HIPK4: variants seen among roughly 807,000 people sequenced by gnomAD.
HIPK4 encodes homeodomain-interacting protein kinase 4.
In HIPK4, 26 loss-of-function variants were observed where a neutral mutation model predicts 44.8. That is an observed-to-expected ratio of 0.58 (90% CI 0.43 to 0.80). The LOEUF (loss-of-function observed/expected upper bound fraction) is 0.80, where lower values mean the gene tolerates loss of function less well. Among genes scored for constraint, HIPK4 ranks in the 30% least tolerant of loss-of-function variants. The probability of loss-of-function intolerance (pLI) is 0.00; values close to 1 mark genes in which losing one functional copy is unlikely to be tolerated. For missense variants in HIPK4, 729 were observed against 862.6 expected, an observed-to-expected ratio of 0.85 and a Z score of 1.94; for synonymous variants, 340 against 355.5, an observed-to-expected ratio of 0.96 and a Z score of 0.49.
intron 2 of HIPK4, among the ~76,000 whole-genome samples, chr19:40,382,616 A>G (rs1234848759): frequency 1.3e-5 from 2 of 151,974 alleles, no homozygotes; most frequent in South Asian, 2.1e-4. Context: ...CCCCAGATCT[A>G]TCTTGCTGCA....
chr19:40,385,198 A>G (rs990494961), intron 1 of HIPK4, among the ~76,000 whole-genome samples: 12 of 151,928 alleles, frequency 7.9e-5, no homozygotes, highest in Non-Finnish European at 1.3e-4. Context: ...TCTGCCCCCT[A>G]GTCTGTCTGT....
At chr19:40,387,883 G>A (rs1417565398) in intron 1 of HIPK4, among the ~76,000 whole-genome samples, 3 of 152,026 alleles carry the variant, frequency 2.0e-5, no homozygotes, top group African/African-American at 7.3e-5. Context: ...GCCCAGGCTG[G>A]AGTGCAGTGG....
In HIPK4 at chr19:40,383,891, C is replaced by T; in HGVS notation, c.714G>A (p.Leu238=). The T allele has an allele frequency of 6.2e-7, 1 of 1,614,194 alleles. No homozygotes were observed. Residue 238 remains leucine, a synonymous_variant, in exon 2 of 4, where the codon CTG becomes CTA. Coordinates refer to ENST00000291823, the MANE Select transcript of HIPK4 (RefSeq NM_144685.5). ...GGTGGGCCTTGCAGGCGGCGTGCAA[C>T]AGGTGTGGCTTGGGCAGGCCCTGGG... ...CETQGLPKPH[L]LHAACKAHHF...
At position 40,380,537 on chromosome 19, in the gene HIPK4, C is replaced by T. The variant is rs1220980290; in HGVS notation, c.1454G>A (p.Arg485His). Residue 485 changes from arginine to histidine, a missense_variant, in exon 3 of 4, where the codon CGC becomes CAC. Arg to His is a conservative substitution (Grantham distance 29). Transcript: ENST00000291823. This position sits in a 1 kb window ranked among gnomAD's most constrained non-coding sequence, Gnocchi z 4.2. Reference protein sequence around the residue: ...LAFYSSRLAGRHKARKPPAGS... With the variant: ...LAFYSSRLAGHHKARKPPAGS... The stretch of plus-strand genomic sequence containing the variant: ...CGCAGGTGGCTTGCGGGCCTTGTGG[C>T]GGCCTGCCAGGCGGCTGCTGTAGAA... 3.7e-6 allele frequency: 6 copies of T among 1,611,642 alleles called. No homozygotes were observed. The highest frequency in any genetic ancestry group is 4.2e-6 in the Non-Finnish European group (5 of 1,179,544).
chr19:40,386,663 T>C (rs1698886992), intron 1 of HIPK4, among the ~76,000 whole-genome samples: 1 of 152,094 alleles, frequency 6.6e-6, no homozygotes, highest in Non-Finnish European at 1.5e-5. Flanking sequence ...CTCTCAGCAT[T>C]TCTCTCCCCA....
chr19:40,386,575 C>T (rs1209107227), intron 1 of HIPK4, among the ~76,000 whole-genome samples: 1 of 152,044 alleles, frequency 6.6e-6, no homozygotes, highest in Non-Finnish European at 1.5e-5. Flanking sequence ...CCCAGGATGG[C>T]TCCTGGGCTC....
At chr19:40,387,399 C>A (rs1028587692) in intron 1 of HIPK4, among the ~76,000 whole-genome samples, 6 of 152,182 alleles carry the variant, frequency 3.9e-5, no homozygotes, top group African/African-American at 1.4e-4. Flanking sequence ...GGCCGAAAGC[C>A]TTTGTCTCTC....
Position 40,384,116 on chromosome 19 carries a change from G to C in HIPK4, c.489C>G (p.Ser163Arg), listed in dbSNP as rs2079351831. ...RVKVIDFGSA[S>R]IFSEVRYVKE... Reference sequence around the variant, plus strand: ...TCACGTAGCGCACCTCGCTGAAAATGCTGGCGGATCCGAAGTCAATCACCT... The same window carrying C: ...TCACGTAGCGCACCTCGCTGAAAATCCTGGCGGATCCGAAGTCAATCACCT... The change falls in exon 2 of 4, where the codon AGC becomes AGG. Residue 163 changes from serine (S) to arginine (R), a missense_variant. This residue lies in a region of HIPK4 where 196 missense variants were observed against 295.1 expected (regional missense o/e 0.66). Transcript: ENST00000291823. The C allele has an allele frequency of 5.0e-6, 8 of 1,588,456 alleles. No homozygotes were observed. The highest frequency in any genetic ancestry group is 6.0e-6 in the Non-Finnish European group (7 of 1,162,448).
chr19:40,381,264 C>T (rs764819340), intron 2 of HIPK4, 96 bp from the exon 3 acceptor site: 14 of 990,884 alleles, frequency 1.4e-5, no homozygotes, highest in Non-Finnish European at 1.9e-5. Flanking sequence ...CCCCGACTTC[C>T]AGGTCTGCCC....
In HIPK4 at chr19:40,379,475, T is replaced by A. The variant is rs2079317791; in HGVS notation, c.*112A>T. On this transcript the variant is annotated 3_prime_UTR_variant, in exon 4 of 4. Transcript: ENST00000291823. The stretch of plus-strand genomic sequence containing the variant: ...GAGAATTTCTGGATAACTATCTTTC[T>A]GTAAGAATAATTTGTGGGTTCAGGA... 3 of 940,728 alleles carry A rather than the reference T, an allele frequency of 3.2e-6. No individual in the cohort carries two copies. Among genetic ancestry groups the A allele is most frequent in the Non-Finnish European group, 3.0e-6 (2 of 660,048 alleles). 58.3% of individuals were successfully genotyped at this position (940,728 alleles called of 1,614,324 possible).
chr19:40,383,860 A>C lies in HIPK4; in HGVS notation c.745T>G (p.Phe249Val). ...LHAACKAHHF[F>V]KRNPHPDAAN... The stretch of plus-strand genomic sequence containing the variant: ...GCGTCAGGGTGGGGGTTGCGCTTGA[A>C]GAAGTGGTGGGCCTTGCAGGCGGCG... The change falls in exon 2 of 4, where the codon TTC becomes GTC. Residue 249 changes from phenylalanine (F) to valine (V), a missense_variant. Around this residue, in one of 2 missense-constraint regions of HIPK4, gnomAD observed 533 missense variants for 567.5 expected, o/e 0.94. Transcript: ENST00000291823. The C allele has an allele frequency of 6.2e-7, 1 of 1,614,176 alleles. No individual in the cohort carries two copies. The highest frequency in any genetic ancestry group is 8.5e-7 in the Non-Finnish European group (1 of 1,180,026).
In HIPK4 at chr19:40,389,755, G is replaced by A. The variant is rs190827341; in HGVS notation, c.148C>T (p.Arg50Cys). The change falls in exon 1 of 4, where the codon CGC becomes TGC. Residue 50 changes from arginine (R) to cysteine (C), a missense_variant. This residue lies in a region of HIPK4 where 196 missense variants were observed against 295.1 expected (regional missense o/e 0.66). Coordinates refer to ENST00000291823, the MANE Select transcript of HIPK4 (RefSeq NM_144685.5). The surrounding 1 kb of genome is among the most constrained non-coding windows in gnomAD (Gnocchi z 4.6). ...AGCTTCAGCTCGTTCTTGATGATGCGGTTGCGGTAGGCGTCATTCTTGAGG... is the reference window on the plus strand; with the variant it reads ...AGCTTCAGCTCGTTCTTGATGATGCAGTTGCGGTAGGCGTCATTCTTGAGG... ...KILKNDAYRN[R>C]IIKNELKLLH... The A allele has an allele frequency of 1.9e-5, 30 of 1,614,146 alleles. No individual in the cohort carries two copies. The African/African-American group carries it at 2.1e-4, about 11-fold the overall frequency.
At chr19:40,388,417 T>C (rs2079373025) in intron 1 of HIPK4, among the ~76,000 whole-genome samples, 1 of 152,156 alleles carries the variant, frequency 6.6e-6, no homozygotes, top group Non-Finnish European at 1.5e-5. Flanking sequence ...AGAGGCTGAG[T>C]GACCCTGGGC....
Position 40,383,828 on chromosome 19 carries a change from G to C in HIPK4, c.777C>G (p.Asn259Lys). The C allele has an allele frequency of 1.2e-6, 2 of 1,613,936 alleles. No individual in the cohort carries two copies. Among genetic ancestry groups the C allele is most frequent in the Non-Finnish European group, 1.7e-6 (2 of 1,179,836 alleles). Residue 259 changes from asparagine to lysine, a missense_variant, in exon 2 of 4, where the codon AAC becomes AAG. Physicochemically the swap from Asn to Lys is moderately conservative, Grantham distance 94 (BLOSUM62 0). Coordinates refer to ENST00000291823, the MANE Select transcript of HIPK4 (RefSeq NM_144685.5). ...CAGCCGAGGACTTGAGCTGCCAGGGGTTGGCAGCGTCAGGGTGGGGGTTGC... is the reference window on the plus strand; with the variant it reads ...CAGCCGAGGACTTGAGCTGCCAGGGCTTGGCAGCGTCAGGGTGGGGGTTGC... Reference protein sequence around the residue: ...FKRNPHPDAANPWQLKSSADY... With the variant: ...FKRNPHPDAAKPWQLKSSADY...
In HIPK4 at chr19:40,380,671, C is replaced by T; in HGVS notation, c.1320G>A (p.Gly440=). ...CATTGGTGCAGGTCTCACCCCACAGCCCATGCCCAGCCTCCTGCAGACTCA... is the reference window on the plus strand; with the variant it reads ...CATTGGTGCAGGTCTCACCCCACAGTCCATGCCCAGCCTCCTGCAGACTCA... ...DDLSLQEAGH[G]LWGETCTNAV... The change falls in exon 3 of 4, where the codon GGG becomes GGA. Residue 440 remains glycine, a synonymous_variant. Transcript: ENST00000291823. The surrounding 1 kb of genome is among the most constrained non-coding windows in gnomAD (Gnocchi z 4.2). The T allele has an allele frequency of 6.2e-7, 1 of 1,614,090 alleles. No homozygotes were observed. Among genetic ancestry groups the T allele is most frequent in the African/African-American group, 1.3e-5 (1 of 75,074 alleles).
chr19:40,383,380 CCT>C (rs888425913), intron 2 of HIPK4, among the ~76,000 whole-genome samples: 1 of 152,038 alleles, frequency 6.6e-6, no homozygotes, highest in African/African-American at 2.4e-5. Context: ...CCACACCCAG[CCT>C]CTGTTTTTTG....
In HIPK4 at chr19:40,380,788, A is replaced by G. The variant is rs138751051; in HGVS notation, c.1203T>C (p.Ala401=). The G allele has an allele frequency of 2.6e-4, 424 of 1,613,846 alleles. 2 individuals are homozygous for G. In the African/African-American group the frequency reaches 4.6e-3, roughly 18 times the overall value. ...TGCCGGCCACACTGCCCATACCCGC[A>G]GCCTCCTTCTCCTCAGCCAGACAGT... The part of the protein sequence containing the change: ...PYYCLAEEKE[A]AGMGSVAGSS... The change falls in exon 3 of 4, where the codon GCT becomes GCC. Residue 401 remains alanine, a synonymous_variant. Transcript: ENST00000291823. The surrounding 1 kb of genome is among the most constrained non-coding windows in gnomAD (Gnocchi z 4.2).
chr19:40,386,043 CTTAAT>C (rs1203964565), intron 1 of HIPK4, among the ~76,000 whole-genome samples: 2 of 151,414 alleles, frequency 1.3e-5, no homozygotes, highest in African/African-American at 4.8e-5. Context: ...CACTATATCT[CTTAAT>C]TTTTTATTTT....
At position 40,379,521 on chromosome 19, in the gene HIPK4, C is replaced by A. The variant is rs2079318080; in HGVS notation, c.*66G>T. 1 of 1,308,342 alleles carries A rather than the reference C, an allele frequency of 7.6e-7. No homozygotes were observed. Among genetic ancestry groups the A allele is most frequent in the South Asian group, 1.5e-5 (1 of 65,270 alleles). The allele number at this position is 1,308,342 out of a possible 1,614,324, so 81.0% of individuals were successfully genotyped here. ...CAGGAGATGGCTCTGAGGAGCAGTT[C>A]AGGTTGGGAGGGAATGCCAGCCCAG... is the stretch of plus-strand genomic sequence containing the variant. On this transcript the variant is annotated 3_prime_UTR_variant, in exon 4 of 4. Transcript: ENST00000291823.
Sources: allele counts gnomAD v4.1 joint callset (sites outside exome capture counted in the v4.1 genomes callset), GRCh38; gene constraint gnomAD v4.1.1; regional missense constraint gnomAD v4.1.1; non-coding constraint Gnocchi (gnomAD v3.1); transcripts MANE v1.5; gene names NCBI Gene and HGNC (gene_info 2026-07-23, HGNC 2026-07-21).